The following TRAPPC10 variants were observed in gnomAD, a reference collection of about 807,000 sequenced individuals.
The protein encoded by TRAPPC10 is TRAPP 130 kDa subunit.
In TRAPPC10, 23 loss-of-function variants were observed where a neutral mutation model predicts 125.5. That is an observed-to-expected ratio of 0.18 (90% CI 0.13 to 0.26). The LOEUF (loss-of-function observed/expected upper bound fraction) is 0.26, where lower values mean the gene tolerates loss of function less well. Ranked by LOEUF, TRAPPC10 falls within the 10% of genes least tolerant of loss-of-function variation. The probability of loss-of-function intolerance (pLI) is 1.00; values close to 1 mark genes in which losing one functional copy is unlikely to be tolerated. For synonymous variants in TRAPPC10, 509 were observed against 518.0 expected (o/e 0.98, Z 0.24); for missense variants, 1,123 against 1,308.4 (o/e 0.86, Z 2.19).
chr21:44,087,083 G>T lies in TRAPPC10; in HGVS notation c.2539+123G>T. 1 of 1,129,380 alleles carries T rather than the reference G, an allele frequency of 8.9e-7. No homozygotes were observed. The highest frequency in any genetic ancestry group is 1.2e-6 in the Non-Finnish European group (1 of 801,202). 70.0% of individuals were successfully genotyped at this position (1,129,380 alleles called of 1,614,324 possible). On this transcript the variant is annotated intron_variant, in intron 16 of 22. Transcript: ENST00000291574. The surrounding 1 kb of genome is among the most constrained non-coding windows in gnomAD (Gnocchi z 4.6). ...CGCCCCTCAACAGTGTCTGGAGTCCGTGTTCCATAGGAGCCCTGCGGCCTG... is the reference window on the plus strand; with the variant it reads ...CGCCCCTCAACAGTGTCTGGAGTCCTTGTTCCATAGGAGCCCTGCGGCCTG...
Position 44,037,920 on chromosome 21 carries a change from A to G in TRAPPC10, c.278A>G (p.Glu93Gly), listed in dbSNP as rs1392012203. The G allele has an allele frequency of 6.2e-7, 1 of 1,613,518 alleles. No homozygotes were observed. The highest frequency in any genetic ancestry group is 8.5e-7 in the Non-Finnish European group (1 of 1,179,854). The change falls in exon 3 of 23, where the codon GAG (glutamate) becomes GGG (glycine). Residue 93 changes from glutamate (E) to glycine (G), a missense_variant. This residue lies in a region of TRAPPC10 where 177 missense variants were observed against 228.9 expected (regional missense o/e 0.77). Transcript: ENST00000291574. The part of the protein sequence containing the change: ...TFPFLHIYWT[E>G]CCDTEVYKAT... ...CCCTTCCTCCATATTTACTGGACAG[A>G]GTGCTGTGTGAGTACCAGCAGGGGA...
intron 7 of TRAPPC10, among the ~76,000 whole-genome samples, chr21:44,068,463 T>C (rs1342679021): frequency 6.6e-6 from 1 of 152,016 alleles, no homozygotes; most frequent in Non-Finnish European, 1.5e-5. Context: ...TGCCCTTTGT[T>C]CTGTAGCCAG....
chr21:44,084,023 C>T, intron 14 of TRAPPC10, 99 bp from the exon 15 acceptor site: 2 of 1,426,614 alleles, frequency 1.4e-6, no homozygotes, highest in African/African-American at 1.4e-5. Flanking sequence ...AAGTACAGGC[C>T]TTTCTGGAGT....
chr21:44,022,227 G>A (rs1326733895), intron 1 of TRAPPC10, among the ~76,000 whole-genome samples: 5 of 149,506 alleles, frequency 3.3e-5, no homozygotes, highest in Non-Finnish European at 5.9e-5. Flanking sequence ...TTCTGCCTCA[G>A]CTTCCCAAGT....
At chr21:44,065,129 A>G (rs1415055948) in intron 7 of TRAPPC10, among the ~76,000 whole-genome samples, 1 of 152,198 alleles carries the variant, frequency 6.6e-6, no homozygotes, top group African/African-American at 2.4e-5. Flanking sequence ...TCAAGTCCAA[A>G]TGATTCAGAC....
At position 44,087,843 on chromosome 21, in the gene TRAPPC10, G is replaced by A; in HGVS notation, c.2684G>A (p.Ser895Asn). 3 of 1,614,238 alleles carry A rather than the reference G, an allele frequency of 1.9e-6. No homozygotes were observed. The highest frequency in any genetic ancestry group is 2.5e-6 in the Non-Finnish European group (3 of 1,180,044). Reference protein sequence around the residue: ...LPSAPALGGESDMLGMAEPHR... With the variant: ...LPSAPALGGENDMLGMAEPHR... Reference sequence around the variant, plus strand: ...TCAGCCCCAGCACTCGGAGGGGAGAGTGACATGCTGGGGATGGCAGAGCCC... The same window carrying A: ...TCAGCCCCAGCACTCGGAGGGGAGAATGACATGCTGGGGATGGCAGAGCCC... The change falls in exon 17 of 23, where the codon AGT (serine) becomes AAT (asparagine). Residue 895 changes from serine to asparagine, a missense_variant. Coordinates refer to ENST00000291574, the MANE Select transcript of TRAPPC10 (RefSeq NM_003274.5). The surrounding 1 kb of genome is among the most constrained non-coding windows in gnomAD (Gnocchi z 4.6).
intron 1 of TRAPPC10, among the ~76,000 whole-genome samples, chr21:44,015,608 A>G (rs991571330): frequency 6.9e-6 from 1 of 145,450 alleles, no homozygotes; most frequent in Non-Finnish European, 1.5e-5. Flanking sequence ...GAAGCTCTCC[A>G]AATTTTTTTT....
At position 44,055,853 on chromosome 21, in the gene TRAPPC10, C is replaced by T. The variant is rs773220589; in HGVS notation, c.638C>T (p.Thr213Ile). Residue 213 changes from threonine to isoleucine, a missense_variant, in exon 5 of 23, where the codon ACT (threonine) becomes ATT (isoleucine). Coordinates refer to ENST00000291574, the MANE Select transcript of TRAPPC10 (RefSeq NM_003274.5). The part of the protein sequence containing the change: ...DDMRTLREKR[T>I]EPGWSFCEYF... ...ATGAGAACCTTGAGGGAGAAGAGGA[C>T]TGAGCCAGGCTGGAGCTTTTGTGAA... 12 of 1,610,618 alleles carry T rather than the reference C, an allele frequency of 7.5e-6. No homozygotes were observed. In the African/African-American group the frequency reaches 1.6e-4, roughly 22 times the overall value.
chr21:44,052,653 C>A (rs1014566023), intron 4 of TRAPPC10, among the ~76,000 whole-genome samples, 177 bp downstream of exon 4: 1 of 151,960 alleles, frequency 6.6e-6, no homozygotes, highest in Admixed American at 6.6e-5. Flanking sequence ...GCAAAGAACT[C>A]GAAGCAGTCA....
At position 44,059,196 on chromosome 21, in the gene TRAPPC10, G is replaced by T; in HGVS notation, c.772G>T (p.Val258Phe). 1 of 1,609,094 alleles carries T rather than the reference G, an allele frequency of 6.2e-7. No homozygotes were observed. Among genetic ancestry groups the T allele is most frequent in the Non-Finnish European group, 8.5e-7 (1 of 1,178,218 alleles). Residue 258 changes from valine to phenylalanine, a missense_variant, in exon 6 of 23, where the codon GTC becomes TTC. By Grantham distance (50) the Val-to-Phe change is conservative. This residue lies in a region of TRAPPC10 where 91 missense variants were observed against 127.1 expected (regional missense o/e 0.72). Coordinates refer to ENST00000291574, the MANE Select transcript of TRAPPC10 (RefSeq NM_003274.5). This position sits in a 1 kb window ranked among gnomAD's most constrained non-coding sequence, Gnocchi z 4.4. ...ELDALFSQYV[V>F]NFGAGDGANW... is the part of the protein sequence containing the mutation. ...GGACGCCCTCTTCTCTCAGTATGTG[G>T]TCAACTTCGGGGCCGGGGGTGAGTA...
At position 44,087,159 on chromosome 21, in the gene TRAPPC10, C is replaced by T. The variant is rs188325240; in HGVS notation, c.2539+199C>T. 2.6e-5 allele frequency among the ~76,000 whole-genome samples: 4 copies of T among 152,324 alleles called. No individual in the cohort carries two copies. The highest frequency in any genetic ancestry group is 3.9e-4 in the East Asian group (2 of 5,186). ...GGTGATAAACTGAGAGTGGTTCACA[C>T]GCTGAGTGGCCGAGCAGTGCTTGTC... On this transcript the variant is annotated intron_variant, in intron 16 of 22. Coordinates refer to ENST00000291574, the MANE Select transcript of TRAPPC10 (RefSeq NM_003274.5). This position sits in a 1 kb window ranked among gnomAD's most constrained non-coding sequence, Gnocchi z 4.6.
chr21:44,074,152 G>A (rs1042351699), intron 7 of TRAPPC10, among the ~76,000 whole-genome samples, 172 bp from the exon 8 acceptor site: 1 of 152,196 alleles, frequency 6.6e-6, no homozygotes, highest in African/African-American at 2.4e-5. Flanking sequence ...TAGGTGATTA[G>A]TGTTCTTTGC....
chr21:44,059,644 T>C lies in TRAPPC10; in HGVS notation c.790+430T>C, dbSNP rs1026915442. 3 of 598,528 alleles carry C rather than the reference T, an allele frequency of 5.0e-6. No individual in the cohort carries two copies. The highest frequency in any genetic ancestry group is 9.1e-6 in the Non-Finnish European group (3 of 330,488). The allele number at this position is 598,528 out of a possible 1,614,324, so 37.1% of individuals were successfully genotyped here. On this transcript the variant is annotated intron_variant, in intron 6 of 22. Transcript: ENST00000291574. The surrounding 1 kb of genome is among the most constrained non-coding windows in gnomAD (Gnocchi z 4.4). ...GGGTGTTCATCTTTCTTTTGCACTT[T>C]TAAATAATATCTTAAGCTCCTTTAC... is the stretch of plus-strand genomic sequence containing the variant.
At position 44,063,409 on chromosome 21, in the gene TRAPPC10, G is replaced by T. The variant is rs780213936; in HGVS notation, c.791-129G>T. The T allele has an allele frequency of 3.1e-5, 42 of 1,362,186 alleles. No individual in the cohort carries two copies. The highest frequency in any genetic ancestry group is 4.0e-5 in the Admixed American group (2 of 50,168). 84.4% of individuals were successfully genotyped at this position (1,362,186 alleles called of 1,614,324 possible). A position where few individuals can be genotyped will look rare whatever the true frequency, so the allele number is the denominator to read the frequency against. ...CCGAATGCATCACTAGACCACAGGG[G>T]GTGGGCCAGTGTTCATAGAAAAACT... On this transcript the variant is annotated intron_variant, in intron 6 of 22. Coordinates refer to ENST00000291574, the MANE Select transcript of TRAPPC10 (RefSeq NM_003274.5). The surrounding 1 kb of genome is among the most constrained non-coding windows in gnomAD (Gnocchi z 4.4).
intron 1 of TRAPPC10, among the ~76,000 whole-genome samples, chr21:44,020,900 C>G (rs945232410): frequency 1.3e-5 from 2 of 152,086 alleles, no homozygotes; most frequent in Non-Finnish European, 2.9e-5. Context: ...TAGCACAGCT[C>G]GGACCAATAT....
Position 44,063,140 on chromosome 21 carries a change from G to T in TRAPPC10, c.791-398G>T. ...AGGAAGACCAAAAAACACCAGGATG[G>T]TCAGAGCAGGCTGCACTCCAGCCCA... On this transcript the variant is annotated intron_variant, in intron 6 of 22. Coordinates refer to ENST00000291574, the MANE Select transcript of TRAPPC10 (RefSeq NM_003274.5). The surrounding 1 kb of genome is among the most constrained non-coding windows in gnomAD (Gnocchi z 4.4). 1 of 1,307,062 alleles carries T rather than the reference G, an allele frequency of 7.7e-7. No homozygotes were observed. The highest frequency in any genetic ancestry group is 1.2e-5 in the South Asian group (1 of 80,896). The allele number at this position is 1,307,062 out of a possible 1,614,324, so 81.0% of individuals were successfully genotyped here. A position where few individuals can be genotyped will look rare whatever the true frequency, so the allele number is the denominator to read the frequency against.
At chr21:44,043,686 G>A (rs2034575156) in intron 3 of TRAPPC10, among the ~76,000 whole-genome samples, 1 of 152,166 alleles carries the variant, frequency 6.6e-6, no homozygotes, top group Admixed American at 6.6e-5. Context: ...TTGTTGAAAG[G>A]CTGGGCCTGT....
At chr21:44,050,417 C>T (rs553400488) in intron 3 of TRAPPC10, among the ~76,000 whole-genome samples, 1 of 152,238 alleles carries the variant, frequency 6.6e-6, no homozygotes, top group East Asian at 1.9e-4. Context: ...GGGGAGGAGT[C>T]CAGCTAAAGG....
chr21:44,040,026 C>T (rs557208275), intron 3 of TRAPPC10, among the ~76,000 whole-genome samples: 1 of 152,312 alleles, frequency 6.6e-6, no homozygotes, highest in African/African-American at 2.4e-5. Flanking sequence ...AATTGGTACA[C>T]CTGCGCCACA....
Sources: allele counts gnomAD v4.1 joint callset (sites outside exome capture counted in the v4.1 genomes callset), GRCh38; gene constraint gnomAD v4.1.1; regional missense constraint gnomAD v4.1.1; non-coding constraint Gnocchi (gnomAD v3.1); transcripts MANE v1.5; gene names NCBI Gene and HGNC (gene_info 2026-07-23, HGNC 2026-07-21).